Variants in CFAP44 observed in about 807,000 individuals in gnomAD.
CFAP44 encodes the protein cilia- and flagella-associated protein 44.
Under a neutral mutation model 216.2 loss-of-function variants are expected in CFAP44, and 134 were observed. The observed-to-expected ratio is 0.62, with a 90% CI of 0.54 to 0.72. The LOEUF is 0.72. CFAP44 is among the 30% of genes least tolerant of loss of function. The probability of loss-of-function intolerance (pLI) is 0.00; values close to 1 mark genes in which losing one functional copy is unlikely to be tolerated. For missense variants in CFAP44, 2,035 were observed against 2,182.1 expected, an observed-to-expected ratio of 0.93 and a Z score of 1.34; for synonymous variants, 700 against 727.6, an observed-to-expected ratio of 0.96 and a Z score of 0.61.
At chr3:113,299,242 A>C (rs1377004677) in intron 32 of CFAP44, among the ~76,000 whole-genome samples, 1 of 152,222 alleles carries the variant, frequency 6.6e-6, no homozygotes, top group African/African-American at 2.4e-5. Context: ...CCAATTTTTA[A>C]ATGGGCAAAA....
intron 34 of CFAP44, 199 bp downstream of exon 34, chr3:113,294,488 C>T (rs1166964137): frequency 1.6e-5 from 9 of 578,416 alleles, no homozygotes; most frequent in East Asian, 3.2e-5. Flanking sequence ...ACCCAAGAGG[C>T]GTTCAATAAA....
chr3:113,293,851 T>A, intron 34 of CFAP44: 1 of 345,034 alleles, frequency 2.9e-6, no homozygotes, highest in Admixed American at 3.9e-5. Flanking sequence ...TAAACTCTAG[T>A]GTGCTTCAGA....
At chr3:113,318,119 C>T (rs1399782103) in intron 28 of CFAP44, among the ~76,000 whole-genome samples, 1 of 152,062 alleles carries the variant, frequency 6.6e-6, no homozygotes, top group Non-Finnish European at 1.5e-5. Context: ...CAAGGAAGCT[C>T]ATCAAGATTC....
intron 24 of CFAP44, among the ~76,000 whole-genome samples, chr3:113,337,254 T>C (rs988759423): frequency 7.2e-5 from 11 of 151,832 alleles, no homozygotes; most frequent in Non-Finnish European, 1.2e-4. Flanking sequence ...TAACAAAACA[T>C]GTATAGAACT....
intron 32 of CFAP44, among the ~76,000 whole-genome samples, chr3:113,297,737 A>T (rs1462399035): frequency 6.6e-6 from 1 of 152,218 alleles, no homozygotes; most frequent in South Asian, 2.1e-4. Flanking sequence ...ATGTGAGAAC[A>T]CTAGAACACC....
intron 25 of CFAP44, among the ~76,000 whole-genome samples, 171 bp from the exon 26 acceptor site, chr3:113,330,839 T>A (rs1950235655): frequency 2.0e-5 from 3 of 152,116 alleles, no homozygotes; most frequent in Non-Finnish European, 4.4e-5. Context: ...TATTGAGGAT[T>A]TTTTCCATTT....
intron 28 of CFAP44, among the ~76,000 whole-genome samples, chr3:113,319,745 C>A (rs1031665129): frequency 6.6e-6 from 1 of 151,582 alleles, no homozygotes; most frequent in African/African-American, 2.4e-5. Context: ...AGTTGAGATA[C>A]AAAAATCCAT....
At chr3:113,315,425 A>G (rs1950077324) in intron 28 of CFAP44, among the ~76,000 whole-genome samples, 1 of 152,150 alleles carries the variant, frequency 6.6e-6, no homozygotes, top group African/African-American at 2.4e-5. Flanking sequence ...GCTGTAAAAT[A>G]TTTGAAGCAA....
chr3:113,409,391 A>G, intron 6 of CFAP44, 69 bp from the exon 7 acceptor site: 1 of 1,427,908 alleles, frequency 7.0e-7, no homozygotes, highest in Non-Finnish European at 9.7e-7. Flanking sequence ...ATATTGTAAA[A>G]AAAAGAGAGG....
intron 32 of CFAP44, among the ~76,000 whole-genome samples, chr3:113,298,543 A>G (rs1949903770): frequency 6.6e-6 from 1 of 152,240 alleles, no homozygotes; most frequent in African/African-American, 2.4e-5. Context: ...ACTCATGTTC[A>G]TCACAGTACT....
At chr3:113,351,788 G>A (rs901647838) in intron 22 of CFAP44, among the ~76,000 whole-genome samples, 5 of 152,116 alleles carry the variant, frequency 3.3e-5, no homozygotes, top group Middle Eastern at 3.4e-3. Context: ...ACTCACCTTC[G>A]GGCCCTGTGT....
intron 28 of CFAP44, among the ~76,000 whole-genome samples, chr3:113,325,023 GC>G (rs1168205265): frequency 6.6e-6 from 1 of 152,048 alleles, no homozygotes; most frequent in Admixed American, 6.6e-5. Flanking sequence ...TAAAAAAGGG[GC>G]CGGGCACAGT....
chr3:113,289,840 G>C lies in CFAP44; in HGVS notation c.*1717C>G, dbSNP rs906830857. The C allele has an allele frequency of 2.2e-4, 33 of 152,296 alleles. No individual in the cohort carries two copies. Among genetic ancestry groups the C allele is most frequent in the African/African-American group, 6.5e-4 (27 of 41,460 alleles). The allele number at this position is 152,296 out of a possible 1,614,324, so 9.4% of individuals were successfully genotyped here. On this transcript the variant is annotated 3_prime_UTR_variant, in exon 35 of 35. Coordinates refer to ENST00000393845, the MANE Select transcript of CFAP44 (RefSeq NM_001164496.2). ...GTCATATCCCAAGCGGCCCTATGGAGAGGCCCACATGGCGAGGAACTGAAG... is the reference window on the plus strand; with the variant it reads ...GTCATATCCCAAGCGGCCCTATGGACAGGCCCACATGGCGAGGAACTGAAG...
At chr3:113,399,005 TG>T (rs1317906615) in intron 13 of CFAP44, among the ~76,000 whole-genome samples, 1 of 152,168 alleles carries the variant, frequency 6.6e-6, no homozygotes, top group Non-Finnish European at 1.5e-5. Context: ...CCTTTACAGT[TG>T]GAACACTAGA....
At chr3:113,427,003 A>T in intron 3 of CFAP44, 184 bp downstream of exon 3, 1 of 607,636 alleles carries the variant, frequency 1.6e-6, no homozygotes, top group Non-Finnish European at 2.7e-6. Context: ...GATCCTCAGA[A>T]ATAAAAACCA....
intron 2 of CFAP44, among the ~76,000 whole-genome samples, chr3:113,429,287 G>A (rs772124474): frequency 3.9e-5 from 6 of 152,012 alleles, no homozygotes; most frequent in Non-Finnish European, 8.8e-5. Flanking sequence ...GTATTATGAT[G>A]CTGTTACTAG....
intron 5 of CFAP44, among the ~76,000 whole-genome samples, chr3:113,419,749 T>TG (rs1934757219): frequency 6.6e-6 from 1 of 152,186 alleles, no homozygotes; most frequent in South Asian, 2.1e-4. Context: ...TGCACGACTA[T>TG]GGGGAAGTCA....
chr3:113,370,408 A>G (rs1278099377), intron 18 of CFAP44, among the ~76,000 whole-genome samples: 2 of 152,240 alleles, frequency 1.3e-5, no homozygotes, highest in Non-Finnish European at 2.9e-5. Flanking sequence ...CACCCCTGGG[A>G]TGCAAGGCTG....
intron 28 of CFAP44, among the ~76,000 whole-genome samples, chr3:113,317,910 C>T (rs1950103757): frequency 2.0e-5 from 3 of 152,222 alleles, no homozygotes; most frequent in Admixed American, 2.0e-4. Context: ...GGGGGCTCCC[C>T]CAAGGCCCAG....
Sources: allele counts gnomAD v4.1 joint callset (sites outside exome capture counted in the v4.1 genomes callset), GRCh38; gene constraint gnomAD v4.1.1; transcripts MANE v1.5; gene names NCBI Gene and HGNC (gene_info 2026-07-23, HGNC 2026-07-21).